Variants in XPO1 observed in about 807,000 individuals in gnomAD.
The protein encoded by XPO1 is exportin-1.
In XPO1, 5 loss-of-function variants were observed where a neutral mutation model predicts 133.3. That is an observed-to-expected ratio of 0.04 (90% confidence interval 0.02 to 0.08). The LOEUF is 0.08. Among genes scored for constraint, XPO1 ranks in the 10% least tolerant of loss-of-function variants. XPO1 has a pLI of 1.00. For synonymous variants in XPO1, 419 were observed against 408.2 expected (o/e 1.03, Z -0.32); for missense variants, 506 against 1,267.5 (o/e 0.40, Z 9.12).
At chr2:61,491,909 A>G in intron 16 of XPO1, 126 bp downstream of exon 16, 1 of 1,233,226 alleles carries the variant, frequency 8.1e-7, no homozygotes, top group South Asian at 1.6e-5. Context: ...CAAGGAAAAA[A>G]GAAAGAAAAT....
intron 17 of XPO1, among the ~76,000 whole-genome samples, 192 bp from the exon 18 acceptor site, chr2:61,488,963 G>C (rs1013835475): frequency 6.6e-6 from 1 of 152,060 alleles, no homozygotes; most frequent in East Asian, 1.9e-4. Context: ...ATAGCCAGGC[G>C]TGGTGGCAGC....
rs1195049382 is a variant in XPO1 at position 61,482,034 on chromosome 2, CTTTTTTT to C, written c.2972+339_2972+345del. 3.6e-4 allele frequency among the ~76,000 whole-genome samples: 26 copies of C among 71,384 alleles called. 1 individual carries two copies. Among genetic ancestry groups the C allele is most frequent in the African/African-American group, 9.3e-4 (19 of 20,416 alleles). 46.8% of individuals were successfully genotyped at this position (71,384 alleles called of 152,430 possible). A position where few individuals can be genotyped will look rare whatever the true frequency, so the allele number is the denominator to read the frequency against. On this transcript the variant is annotated intron_variant, in intron 23 of 24. Transcript: ENST00000401558. ...ACAGTCATGAGCCACCGTGCGTGGCCTTTTTTTTTTTTTTTTTTTTTTTGCTTTTTTA... is the reference window on the plus strand; with the variant it reads ...ACAGTCATGAGCCACCGTGCGTGGCCTTTTTTTTTTTTTTTTGCTTTTTTA...
intron 2 of XPO1, among the ~76,000 whole-genome samples, chr2:61,531,864 G>C (rs1457209249): frequency 1.3e-5 from 2 of 152,154 alleles, no homozygotes; most frequent in South Asian, 2.1e-4. Context: ...ATAATATACT[G>C]ATCAAAACGC....
intron 2 of XPO1, among the ~76,000 whole-genome samples, chr2:61,533,184 AG>A (rs1699233329): frequency 6.6e-6 from 1 of 152,214 alleles, no homozygotes; most frequent in Admixed American, 6.5e-5. Context: ...CTCAAAAAAA[AG>A]TTTGGCCCCA....
At chr2:61,481,859 CCAAGTAGCTGGGATTTCAGG>C (rs2104266672) in intron 23 of XPO1, among the ~76,000 whole-genome samples, 1 of 151,900 alleles carries the variant, frequency 6.6e-6, no homozygotes, top group East Asian at 1.9e-4. Context: ...CCTCAGCCTC[CCAAGTAGCTGGGATTTCAGG>C]CACCCACCAC....
chr2:61,506,114 T>C (rs1697798927), intron 4 of XPO1, among the ~76,000 whole-genome samples: 1 of 152,100 alleles, frequency 6.6e-6, no homozygotes, highest in Non-Finnish European at 1.5e-5. Flanking sequence ...AATAAATAAA[T>C]GCAGGTCAAT....
rs71405128 is a variant in XPO1 at position 61,506,598 on chromosome 2, C to CAAAAAAAAAAA, written c.302-4299_302-4289dup. ...TGGGCGACAGAGCAAGATTCCGTCTCAAAAAAAAAAAAAAAAATCCAATGT... is the reference window on the plus strand; with the variant it reads ...TGGGCGACAGAGCAAGATTCCGTCTCAAAAAAAAAAAAAAAAAAAAAAAAAAAATCCAATGT... On this transcript the variant is annotated intron_variant, in intron 4 of 24. Coordinates refer to ENST00000401558, the MANE Select transcript of XPO1 (RefSeq NM_003400.4). Among the ~76,000 whole-genome samples, 212 of 81,378 alleles carry CAAAAAAAAAAA rather than the reference C, an allele frequency of 2.6e-3. 17 individuals carry two copies. The highest frequency in any genetic ancestry group is 9.5e-3 in the African/African-American group (189 of 19,852). The allele number at this position is 81,378 out of a possible 152,430, so 53.4% of individuals were successfully genotyped here. A position where few individuals can be genotyped will look rare whatever the true frequency, so the allele number is the denominator to read the frequency against.
At position 61,478,787 on chromosome 2, in the gene XPO1, T is replaced by G. The variant is rs368015642; in HGVS notation, c.*33A>C. ...CATGCTGTTTTCCTCTGCTAACGAG[T>G]TGCAGAGAAAAAAAACAGCATGAAT... On this transcript the variant is annotated 3_prime_UTR_variant, in exon 25 of 25. Coordinates refer to ENST00000401558, the MANE Select transcript of XPO1 (RefSeq NM_003400.4). 6.2e-7 allele frequency: 1 copy of G among 1,607,772 alleles called. No homozygotes were observed. Among genetic ancestry groups the G allele is most frequent in the East Asian group, 2.2e-5 (1 of 44,706 alleles).
intron 4 of XPO1, among the ~76,000 whole-genome samples, chr2:61,510,646 G>T (rs1484356132): frequency 6.6e-6 from 1 of 152,084 alleles, no homozygotes; most frequent in Non-Finnish European, 1.5e-5. Flanking sequence ...ATAGCCAAAA[G>T]GTGAAAGCAG....
chr2:61,488,030 A>G (rs1420747718), intron 19 of XPO1, 135 bp downstream of exon 19: 1 of 736,382 alleles, frequency 1.4e-6, no homozygotes, highest in Non-Finnish European at 2.3e-6. Flanking sequence ...TAAGGACTAC[A>G]ATAAATAAAA....
intron 2 of XPO1, among the ~76,000 whole-genome samples, chr2:61,532,587 C>A (rs1269192832): frequency 1.3e-5 from 2 of 151,786 alleles, no homozygotes; most frequent in Admixed American, 6.6e-5. Flanking sequence ...CCTGTCATCT[C>A]CACACTTTGG....
chr2:61,506,668 CA>C (rs1427877401), intron 4 of XPO1, among the ~76,000 whole-genome samples: 1 of 149,784 alleles, frequency 6.7e-6, no homozygotes, highest in Non-Finnish European at 1.5e-5. Context: ...GCCTGGGCGA[CA>C]GAGTGAGACT....
intron 4 of XPO1, among the ~76,000 whole-genome samples, chr2:61,506,500 G>C (rs1418312002): frequency 6.7e-6 from 1 of 148,720 alleles, no homozygotes; most frequent in African/African-American, 2.5e-5. Context: ...CTGGGAAGCT[G>C]AGGCAGGAGA....
chr2:61,487,287 C>T (rs1696742650), intron 19 of XPO1, among the ~76,000 whole-genome samples: 1 of 152,204 alleles, frequency 6.6e-6, no homozygotes, highest in Non-Finnish European at 1.5e-5. Flanking sequence ...GTGCTCCCGA[C>T]ACGTGCTCAA....
intron 9 of XPO1, among the ~76,000 whole-genome samples, chr2:61,497,219 CTTTT>C (rs768805077): frequency 2.6e-5 from 4 of 151,984 alleles, no homozygotes; most frequent in Non-Finnish European, 4.4e-5. Flanking sequence ...TAGGAGCAAA[CTTTT>C]TTTGTTTTTT....
chr2:61,524,196 A>C (rs1170288406), intron 3 of XPO1, among the ~76,000 whole-genome samples: 1 of 152,208 alleles, frequency 6.6e-6, no homozygotes, highest in African/African-American at 2.4e-5. Context: ...ACTGCTTACA[A>C]TATATCCTCT....
intron 4 of XPO1, among the ~76,000 whole-genome samples, chr2:61,508,278 C>T (rs1697923450): frequency 6.6e-6 from 1 of 152,116 alleles, no homozygotes; most frequent in Non-Finnish European, 1.5e-5. Flanking sequence ...TCTTGGAAAG[C>T]CATATAAAAT....
At chr2:61,519,053 C>CA (rs767245622) in intron 4 of XPO1, among the ~76,000 whole-genome samples, 64 of 152,240 alleles carry the variant, frequency 4.2e-4, no homozygotes, top group Non-Finnish European at 3.7e-4. Flanking sequence ...CGGGTTCAAG[C>CA]AATTCTCTTG....
Position 61,493,996 on chromosome 2 carries a change from A to G in XPO1, c.1143T>C (p.Tyr381=), listed in dbSNP as rs1291136558. The part of the protein sequence containing the change: ...EYWNHLAAEL[Y]RESPFSTSAS... ...CAGATGTAGAGAATGGACTCTCTCT[A>G]TAGAGTTCAGCAGCCAAATGATTCC... Residue 381 remains tyrosine, a synonymous_variant, in exon 12 of 25, where the codon TAT becomes TAC. Transcript: ENST00000401558. The G allele has an allele frequency of 1.2e-6, 2 of 1,614,110 alleles. No individual in the cohort carries two copies. The highest frequency in any genetic ancestry group is 1.7e-6 in the Non-Finnish European group (2 of 1,180,002).
Sources: gnomAD v4.1 joint callset for allele counts (sites outside exome capture counted in the v4.1 genomes callset) on GRCh38, gnomAD v4.1.1 for gene constraint, MANE v1.5 for transcripts, NCBI Gene and HGNC (gene_info 2026-07-23, HGNC 2026-07-21) for gene names.